The following CCDC91 variants were observed in gnomAD, a reference collection of about 807,000 sequenced individuals.
CCDC91 encodes the protein coiled-coil domain-containing protein 91.
A neutral mutation model predicts 63.2 loss-of-function variants in CCDC91; 48 were observed. The observed-to-expected ratio is 0.76, with a 90% CI of 0.60 to 0.97. The LOEUF is 0.97. Among genes scored for constraint, CCDC91 ranks in the 50% least tolerant of loss-of-function variants. CCDC91 has a pLI of 0.00. For synonymous variants in CCDC91, 167 were observed against 165.8 expected (o/e 1.01, Z -0.06); for missense variants, 500 against 494.6 (o/e 1.01, Z -0.10).
At chr12:28,520,226 G>A (rs1398923493) in intron 12 of CCDC91, among the ~76,000 whole-genome samples, 2 of 152,120 alleles carry the variant, frequency 1.3e-5, no homozygotes, top group Non-Finnish European at 2.9e-5. Context: ...ATCCTCTCCA[G>A]CACCTGTTGT....
At chr12:28,260,299 A>G (rs1299301571) in intron 3 of CCDC91, among the ~76,000 whole-genome samples, 3 of 151,970 alleles carry the variant, frequency 2.0e-5, no homozygotes, top group African/African-American at 7.2e-5. Context: ...ATATATGTAT[A>G]TGTTTATACA....
At chr12:28,318,276 C>T (rs1940111477) in intron 6 of CCDC91, among the ~76,000 whole-genome samples, 1 of 151,646 alleles carries the variant, frequency 6.6e-6, no homozygotes, top group African/African-American at 2.4e-5. Flanking sequence ...AATCCCAACA[C>T]TTTGGGAGGC....
At chr12:28,326,950 C>T (rs1941066022) in intron 6 of CCDC91, among the ~76,000 whole-genome samples, 1 of 152,038 alleles carries the variant, frequency 6.6e-6, no homozygotes, top group Non-Finnish European at 1.5e-5. Context: ...AAATCAACTT[C>T]TCAGCTCATG....
intron 1 of CCDC91, among the ~76,000 whole-genome samples, chr12:28,253,901 T>A (rs1458866370): frequency 6.6e-6 from 1 of 152,158 alleles, no homozygotes; most frequent in African/African-American, 2.4e-5. Flanking sequence ...ACTTTGGAAA[T>A]TTTTTCTTCT....
intron 6 of CCDC91, among the ~76,000 whole-genome samples, chr12:28,335,073 A>T (rs1341651121): frequency 6.9e-6 from 1 of 145,214 alleles, no homozygotes; most frequent in Non-Finnish European, 1.5e-5. Context: ...TTAAACATTA[A>T]AATATATAAA....
chr12:28,388,858 A>G (rs1372730699), intron 7 of CCDC91, among the ~76,000 whole-genome samples: 1 of 152,186 alleles, frequency 6.6e-6, no homozygotes. Context: ...AAATCAGCTG[A>G]AGATGGATCA....
intron 6 of CCDC91, among the ~76,000 whole-genome samples, chr12:28,341,334 T>C (rs533882201): frequency 2.3e-3 from 350 of 152,270 alleles, no homozygotes; most frequent in African/African-American, 7.9e-3. Flanking sequence ...GGCACAGGTC[T>C]GGGGGTGGAG....
intron 12 of CCDC91, among the ~76,000 whole-genome samples, chr12:28,491,221 C>G (rs1011281107): frequency 1.3e-5 from 2 of 151,480 alleles, no homozygotes; most frequent in African/African-American, 4.8e-5. Context: ...TAAGTAATCA[C>G]TTCTTGAATT....
intron 11 of CCDC91, among the ~76,000 whole-genome samples, chr12:28,455,229 A>T (rs1950001836): frequency 6.6e-6 from 1 of 152,140 alleles, no homozygotes; most frequent in Non-Finnish European, 1.5e-5. Context: ...AAATTTTCAA[A>T]TAAGTTTATA....
At chr12:28,346,285 T>C (rs1942804011) in intron 6 of CCDC91, among the ~76,000 whole-genome samples, 4 of 152,216 alleles carry the variant, frequency 2.6e-5, no homozygotes, top group Admixed American at 2.6e-4. Flanking sequence ...AAACCTTTGT[T>C]CTTGAGACAG....
chr12:28,346,209 T>C (rs1942799904), intron 6 of CCDC91, among the ~76,000 whole-genome samples: 1 of 152,204 alleles, frequency 6.6e-6, no homozygotes, highest in Admixed American at 6.5e-5. Flanking sequence ...AGTGTAGTTG[T>C]CTATAACTAG....
intron 3 of CCDC91, among the ~76,000 whole-genome samples, chr12:28,274,937 A>G (rs1948090612): frequency 6.6e-6 from 1 of 152,118 alleles, no homozygotes; most frequent in East Asian, 1.9e-4. Flanking sequence ...CAAAGACACA[A>G]CATACCAGAA....
intron 12 of CCDC91, among the ~76,000 whole-genome samples, chr12:28,523,892 G>T (rs1940996549): frequency 6.6e-6 from 1 of 152,112 alleles, no homozygotes; most frequent in Admixed American, 6.6e-5. Flanking sequence ...TAAAAACGTT[G>T]AATATTAGCC....
intron 12 of CCDC91, among the ~76,000 whole-genome samples, chr12:28,535,943 G>T (rs1942128966): frequency 6.6e-6 from 1 of 151,816 alleles, no homozygotes; most frequent in African/African-American, 2.4e-5. Flanking sequence ...GCAGGAGAAT[G>T]GCATGAACCC....
intron 8 of CCDC91, among the ~76,000 whole-genome samples, chr12:28,400,036 G>A (rs1005188489): frequency 6.6e-6 from 1 of 152,180 alleles, no homozygotes; most frequent in African/African-American, 2.4e-5. Context: ...GACTGTGTGT[G>A]GGGGCTCTGA....
At chr12:28,274,600 G>A (rs1413490181) in intron 3 of CCDC91, among the ~76,000 whole-genome samples, 4 of 152,028 alleles carry the variant, frequency 2.6e-5, no homozygotes, top group African/African-American at 9.7e-5. Context: ...TCTCTTTGAA[G>A]CAATTGTGAA....
At chr12:28,358,388 C>T (rs1340918812) in intron 6 of CCDC91, among the ~76,000 whole-genome samples, 1 of 152,176 alleles carries the variant, frequency 6.6e-6, no homozygotes, top group Non-Finnish European at 1.5e-5. Flanking sequence ...AAGAAGGAAA[C>T]ACCTTTCGTA....
At chr12:28,358,775 T>A (rs1222015869) in intron 6 of CCDC91, among the ~76,000 whole-genome samples, 1 of 152,210 alleles carries the variant, frequency 6.6e-6, no homozygotes, top group Admixed American at 6.5e-5. Context: ...AGTAAGATAA[T>A]TTTTGAGCAT....
At chr12:28,382,958 G>A (rs961761910) in intron 7 of CCDC91, among the ~76,000 whole-genome samples, 1 of 151,998 alleles carries the variant, frequency 6.6e-6, no homozygotes, top group African/African-American at 2.4e-5. Context: ...TATCCATATG[G>A]CAGCCTTTCA....
Sources: gnomAD v4.1 joint callset for allele counts (sites outside exome capture counted in the v4.1 genomes callset) on GRCh38, gnomAD v4.1.1 for gene constraint, MANE v1.5 for transcripts, NCBI Gene and HGNC (gene_info 2026-07-23, HGNC 2026-07-21) for gene names.